RPTOR: variants seen among roughly 807,000 people sequenced by gnomAD.
RPTOR encodes the protein regulatory-associated protein of mTOR.
In RPTOR, 21 loss-of-function variants were observed where a neutral mutation model predicts 169.9. That is an observed-to-expected ratio of 0.12 (90% confidence interval 0.09 to 0.18). The LOEUF is 0.18. RPTOR is among the 10% of genes least tolerant of loss of function. The pLI is 1.00. For missense variants in RPTOR, 1,133 were observed against 1,855.9 expected (o/e 0.61, Z 7.16); for synonymous variants, 732 against 753.2 (o/e 0.97, Z 0.46).
chr17:80,940,354 G>A (rs1188073464), intron 24 of RPTOR, 142 bp from the exon 25 acceptor site: 18 of 625,480 alleles, frequency 2.9e-5, no homozygotes, highest in East Asian at 2.0e-4. Flanking sequence ...CTGCTTGTAC[G>A]CAGATGCCAC....
At chr17:80,581,175 A>G (rs1046648519) in intron 1 of RPTOR, among the ~76,000 whole-genome samples, 2 of 152,250 alleles carry the variant, frequency 1.3e-5, no homozygotes, top group African/African-American at 2.4e-5. Flanking sequence ...ATTTACTCCA[A>G]TCTTGAAAGG....
chr17:80,866,166 T>C (rs1445100594), intron 13 of RPTOR, among the ~76,000 whole-genome samples: 1 of 149,044 alleles, frequency 6.7e-6, no homozygotes, highest in African/African-American at 2.4e-5. Flanking sequence ...TTTATTACTA[T>C]AAGTATGTAT....
intron 3 of RPTOR, among the ~76,000 whole-genome samples, chr17:80,661,483 G>T (rs2065723502): frequency 6.6e-6 from 1 of 152,126 alleles, no homozygotes. Flanking sequence ...CTCCACCACG[G>T]TGTTGAGCCG....
At chr17:80,865,147 C>T (rs751568004) in intron 13 of RPTOR, among the ~76,000 whole-genome samples, 13 of 152,214 alleles carry the variant, frequency 8.5e-5, no homozygotes, top group African/African-American at 1.7e-4. Context: ...AGTCCATAAA[C>T]CCTAAAGCTG....
intron 20 of RPTOR, among the ~76,000 whole-genome samples, chr17:80,898,208 A>G (rs558104546): frequency 6.6e-6 from 1 of 152,332 alleles, no homozygotes; most frequent in African/African-American, 2.4e-5. Flanking sequence ...CATTTCAGCT[A>G]AGTATTCTCA....
At chr17:80,814,736 A>C (rs1232467420) in intron 7 of RPTOR, among the ~76,000 whole-genome samples, 3 of 152,190 alleles carry the variant, frequency 2.0e-5, no homozygotes, top group Non-Finnish European at 4.4e-5. Context: ...TCGTAACAGC[A>C]AGATGAAGAA....
rs543208441 is a variant in RPTOR at position 80,937,318 on chromosome 17, A to C, written c.2920-3178A>C. 2.0e-5 allele frequency among the ~76,000 whole-genome samples: 3 copies of C among 152,294 alleles called. No individual in the cohort carries two copies. In the South Asian group the frequency reaches 6.2e-4, roughly 32 times the overall value. On this transcript the variant is annotated intron_variant, in intron 24 of 33. Coordinates refer to ENST00000306801, the MANE Select transcript of RPTOR (RefSeq NM_020761.3). The stretch of plus-strand genomic sequence containing the variant: ...CTGCACCTTGAACCTTTCTAAATTC[A>C]GAGGGATTGAAGATAAGACTCAGCT...
At chr17:80,756,853 A>C (rs961753753) in intron 6 of RPTOR, among the ~76,000 whole-genome samples, 3 of 152,240 alleles carry the variant, frequency 2.0e-5, no homozygotes, top group African/African-American at 7.2e-5. Flanking sequence ...GAATACAAAA[A>C]AAATTTGTTA....
chr17:80,788,232 G>A (rs993594812), intron 6 of RPTOR, among the ~76,000 whole-genome samples: 1 of 152,166 alleles, frequency 6.6e-6, no homozygotes, highest in Non-Finnish European at 1.5e-5. Context: ...CAGCACTTTG[G>A]GAGGCTGAGG....
At chr17:80,777,945 C>T (rs1195660707) in intron 6 of RPTOR, among the ~76,000 whole-genome samples, 1 of 152,120 alleles carries the variant, frequency 6.6e-6, no homozygotes, top group African/African-American at 2.4e-5. Context: ...GAGCTCTTTC[C>T]CTAGCAGGTT....
At chr17:80,763,265 TA>T (rs1435285655) in intron 6 of RPTOR, among the ~76,000 whole-genome samples, 1 of 151,174 alleles carries the variant, frequency 6.6e-6, no homozygotes, top group Non-Finnish European at 1.5e-5. Context: ...ATAATAATAA[TA>T]AAAAATAAGA....
At chr17:80,889,393 C>T (rs2068288002) in intron 17 of RPTOR, among the ~76,000 whole-genome samples, 1 of 152,078 alleles carries the variant, frequency 6.6e-6, no homozygotes, top group South Asian at 2.1e-4. Flanking sequence ...GGCTGCTCAG[C>T]CCCAGCCAGG....
At chr17:80,729,438 TGTAA>T (rs989257124) in intron 4 of RPTOR, among the ~76,000 whole-genome samples, 30 of 152,214 alleles carry the variant, frequency 2.0e-4, no homozygotes, top group Non-Finnish European at 1.2e-4. Flanking sequence ...GCGTTCGGAT[TGTAA>T]GTGTTTCTCA....
intron 1 of RPTOR, among the ~76,000 whole-genome samples, chr17:80,571,403 C>T (rs1313274464): frequency 6.6e-6 from 1 of 152,178 alleles, no homozygotes; most frequent in Admixed American, 6.5e-5. Flanking sequence ...GCCCCCAGCC[C>T]AGTCAAGATA....
chr17:80,914,097 T>C (rs1434542481), intron 21 of RPTOR, among the ~76,000 whole-genome samples: 1 of 152,054 alleles, frequency 6.6e-6, no homozygotes. Context: ...GAGAAAGGGG[T>C]GTACTTAACG....
intron 1 of RPTOR, among the ~76,000 whole-genome samples, chr17:80,583,179 C>A (rs1221757217): frequency 1.8e-5 from 2 of 109,488 alleles, no homozygotes; most frequent in African/African-American, 7.4e-5. Context: ...CTGCCTCTTT[C>A]CTGTTTTTTT....
intron 3 of RPTOR, among the ~76,000 whole-genome samples, chr17:80,655,974 A>G (rs148994936): frequency 1.4e-3 from 213 of 152,212 alleles, no homozygotes; most frequent in Non-Finnish European, 2.5e-3. Flanking sequence ...GGGAGACATC[A>G]GCCTGTGGCC....
At position 80,730,774 on chromosome 17, in the gene RPTOR, G is replaced by GGGGGGGGGTT; in HGVS notation, c.654+68_654+69insGGGGGGGGTT. On this transcript the variant is annotated intron_variant, in intron 5 of 33. Transcript: ENST00000306801. The surrounding 1 kb of genome is among the most constrained non-coding windows in gnomAD (Gnocchi z 4.2). ...TGTTTTCCCTGGGGGTGGGGTTTGG[G>GGGGGGGGGTT]TGGGGAGGTTGGGAGGTGTTGGACA... The GGGGGGGGGTT allele has an allele frequency of 2.6e-6, 3 of 1,173,518 alleles. No individual in the cohort carries two copies. Among genetic ancestry groups the GGGGGGGGGTT allele is most frequent in the Non-Finnish European group, 3.7e-6 (3 of 807,008 alleles). The allele number at this position is 1,173,518 out of a possible 1,614,324, so 72.7% of individuals were successfully genotyped here. A position where few individuals can be genotyped will look rare whatever the true frequency, so the allele number is the denominator to read the frequency against.
intron 20 of RPTOR, among the ~76,000 whole-genome samples, chr17:80,901,379 C>CT (rs1229845467): frequency 4.0e-5 from 6 of 150,474 alleles, no homozygotes; most frequent in South Asian, 2.1e-4. Flanking sequence ...TGATTCCTGA[C>CT]TTTTTTTTTT....
Sources: gnomAD v4.1 joint callset for allele counts (sites outside exome capture counted in the v4.1 genomes callset) on GRCh38, gnomAD v4.1.1 for gene constraint, Gnocchi (gnomAD v3.1) non-coding constraint, MANE v1.5 for transcripts, NCBI Gene and HGNC (gene_info 2026-07-23, HGNC 2026-07-21) for gene names.